B4GALT1: variants seen among roughly 807,000 people sequenced by gnomAD.
B4GALT1 encodes the protein N-acetyllactosamine synthase.
In B4GALT1, 16 loss-of-function variants were observed where a neutral mutation model predicts 34.9. The observed-to-expected ratio is 0.46, with a 90% CI of 0.31 to 0.70. B4GALT1 has a LOEUF of 0.70. Among genes scored for constraint, B4GALT1 ranks in the 30% least tolerant of loss-of-function variants. The pLI is 0.05. For synonymous variants in B4GALT1, 221 were observed against 218.1 expected (o/e 1.01, Z -0.12); for missense variants, 445 against 530.5 (o/e 0.84, Z 1.58).
intron 2 of B4GALT1, among the ~76,000 whole-genome samples, chr9:33,130,645 A>C (rs559740504): frequency 1.3e-5 from 2 of 151,566 alleles, no homozygotes; most frequent in East Asian, 3.9e-4. Context: ...ACAGAGTATG[A>C]GTCATAACAA....
downstream of B4GALT1, among the ~76,000 whole-genome samples, chr9:33,107,018 C>G (rs372116752): frequency 3.9e-5 from 6 of 152,254 alleles, no homozygotes; most frequent in African/African-American, 1.4e-4. Context: ...CTTGGTGACC[C>G]TGGAACACAT....
At chr9:33,158,578 C>T (rs1248494893) in intron 1 of B4GALT1, among the ~76,000 whole-genome samples, 1 of 152,158 alleles carries the variant, frequency 6.6e-6, no homozygotes, top group Non-Finnish European at 1.5e-5. Context: ...TAGAGGAAAT[C>T]GCAGGTTACT....
chr9:33,168,676 T>C (rs1840808096), upstream of B4GALT1, among the ~76,000 whole-genome samples: 1 of 152,236 alleles, frequency 6.6e-6, no homozygotes, highest in African/African-American at 2.4e-5. Flanking sequence ...CTCTCTGGAC[T>C]TCTTCCCCAG....
At chr9:33,151,362 C>A (rs1840515415) in intron 1 of B4GALT1, among the ~76,000 whole-genome samples, 1 of 152,160 alleles carries the variant, frequency 6.6e-6, no homozygotes. Context: ...AGTTTTGGAG[C>A]CCCAGCAGAT....
intron 1 of B4GALT1, among the ~76,000 whole-genome samples, chr9:33,139,625 T>C (rs1191478994): frequency 6.6e-6 from 1 of 152,238 alleles, no homozygotes; most frequent in Non-Finnish European, 1.5e-5. Flanking sequence ...GACCATGCTC[T>C]GCTACACACC....
At chr9:33,104,644 GGCACAGCCCACACA>G (rs2117964113) in exon 3 of B4GALT1, 1 of 428,414 alleles carries the variant, frequency 2.3e-6, no homozygotes, top group East Asian at 7.1e-5. Flanking sequence ...CTCCTCAGGT[GGCACAGCCCACACA>G]GCCAGCACGT....
intron 1 of B4GALT1, among the ~76,000 whole-genome samples, chr9:33,150,411 T>TA (rs11414746): frequency 0.49 from 70,836 of 144,666 alleles, 17,323 homozygotes; most frequent in East Asian, 0.71. Context: ...TTTTTAAAAA[T>TA]AAAAAAAAAA....
chr9:33,134,314 T>G (rs908727826), intron 2 of B4GALT1, among the ~76,000 whole-genome samples: 5 of 152,222 alleles, frequency 3.3e-5, no homozygotes, highest in African/African-American at 9.7e-5. Context: ...TTGGGCCTTG[T>G]AGAAATGGGC....
chr9:33,109,780 T>A (rs1391871610), downstream of B4GALT1, among the ~76,000 whole-genome samples: 1 of 152,222 alleles, frequency 6.6e-6, no homozygotes, highest in Admixed American at 6.5e-5. Flanking sequence ...TGAGTTAAAC[T>A]GTAGGACACC....
chr9:33,152,351 TAACATAACATAACATAACAA>T (rs1318448798), intron 1 of B4GALT1, among the ~76,000 whole-genome samples: 20 of 122,706 alleles, frequency 1.6e-4, no homozygotes, highest in South Asian at 3.0e-4. Flanking sequence ...TAACATAACA[TAACATAACATAACATAACAA>T]CTTCTACATA....
intron 1 of B4GALT1, among the ~76,000 whole-genome samples, 183 bp downstream of exon 1, chr9:33,166,575 A>C (rs968104098): frequency 6.6e-6 from 1 of 152,118 alleles, no homozygotes; most frequent in Non-Finnish European, 1.5e-5. Flanking sequence ...CTCCCCAGGG[A>C]CCCACCTCGC....
chr9:33,111,997 T>C lies in B4GALT1; in HGVS notation c.*1457A>G, dbSNP rs533482397. 1 of 152,736 alleles carries C rather than the reference T, an allele frequency of 6.5e-6. No homozygotes were observed. Among genetic ancestry groups the C allele is most frequent in the South Asian group, 2.1e-4 (1 of 4,822 alleles). 9.5% of individuals were successfully genotyped at this position (152,736 alleles called of 1,614,324 possible). A position where few individuals can be genotyped will look rare whatever the true frequency, so the allele number is the denominator to read the frequency against. On this transcript the variant is annotated 3_prime_UTR_variant, in exon 6 of 6. Transcript: ENST00000379731. ...GATCACTAATTAAAAGGCACATTCA[T>C]GCTGGGGAATGGATAGTCTGTTTGA...
chr9:33,167,039 C>T lies in B4GALT1; in HGVS notation c.131G>A (p.Gly44Asp). Residue 44 changes from glycine (G) to aspartate (D), a missense_variant, in exon 1 of 6, where the codon GGC becomes GAC. By Grantham distance (94) the Gly-to-Asp change is moderately conservative. Coordinates refer to ENST00000379731, the MANE Select transcript of B4GALT1 (RefSeq NM_001497.4). ...TTGGGGCAGGCGGCTCAGGTCGCGG[C>T]CAGCCAGGTAGTAAACGAGGGTGAC... ...LGVTLVYYLA[G>D]RDLSRLPQLV... The T allele has an allele frequency of 6.2e-7, 1 of 1,600,116 alleles. No homozygotes were observed.
chr9:33,176,435 T>C, the B4GALT1 span, among the ~76,000 whole-genome samples: 1 of 152,172 alleles, frequency 6.6e-6, no homozygotes, highest in African/African-American at 2.4e-5. Context: ...GAACCAAAAC[T>C]TTAAGACTCT....
chr9:33,122,362 T>C (rs538687222), intron 2 of B4GALT1, among the ~76,000 whole-genome samples: 1 of 151,708 alleles, frequency 6.6e-6, no homozygotes, highest in East Asian at 2.0e-4. Flanking sequence ...TACAAAAAAT[T>C]ACAAAAATTT....
chr9:33,151,492 C>T lies in B4GALT1; in HGVS notation c.412+15266G>A, dbSNP rs528997715. Among the ~76,000 whole-genome samples, 3 of 152,326 alleles carry T rather than the reference C, an allele frequency of 2.0e-5. No individual in the cohort carries two copies. The South Asian group carries it at 6.2e-4, about 32-fold the overall frequency. On this transcript the variant is annotated intron_variant, in intron 1 of 5. Transcript: ENST00000379731. ...ATCTGGGCACTCAGCCAGCCAAGTA[C>T]TCCTGGCAATATCTCTCTGGTGTCA...
intron 4 of B4GALT1, among the ~76,000 whole-genome samples, chr9:33,115,168 G>T (rs3780499): frequency 0.96 from 145,577 of 152,332 alleles, 69,690 homozygotes; most frequent in Middle Eastern, 0.99. Flanking sequence ...TATTGAAGAC[G>T]TGGGTCTCTG....
the B4GALT1 span, among the ~76,000 whole-genome samples, chr9:33,182,715 A>C: frequency 6.6e-6 from 1 of 152,342 alleles, no homozygotes; most frequent in African/African-American, 2.4e-5. Context: ...ACAAGGATTG[A>C]GCAATTTCAT....
upstream of B4GALT1, among the ~76,000 whole-genome samples, chr9:33,168,626 T>A (rs571628405): frequency 3.9e-5 from 6 of 152,350 alleles, no homozygotes; most frequent in Middle Eastern, 3.4e-3. Context: ...GGACACCAGG[T>A]CCTTCTGATC....
Sources: gnomAD v4.1 joint callset for allele counts (sites outside exome capture counted in the v4.1 genomes callset) on GRCh38, gnomAD v4.1.1 for gene constraint, MANE v1.5 for transcripts, NCBI Gene and HGNC (gene_info 2026-07-23, HGNC 2026-07-21) for gene names.